Variants in CEP170 observed in about 807,000 individuals in gnomAD.
CEP170 encodes centrosomal protein of 170 kDa.
Under a neutral mutation model 151.9 loss-of-function variants are expected in CEP170, and 21 were observed. The ratio of observed to expected loss-of-function variants is 0.14; its 90% confidence interval spans 0.10 to 0.20. The LOEUF is 0.20. Ranked by LOEUF, CEP170 falls within the 10% of genes least tolerant of loss-of-function variation. The pLI, the probability that CEP170 is intolerant of heterozygous loss-of-function variation, is 1.00. For synonymous variants in CEP170, 356 were observed against 648.8 expected (o/e 0.55, Z 6.86); for missense variants, 964 against 1,892.9 (o/e 0.51, Z 9.11).
intron 16 of CEP170, among the ~76,000 whole-genome samples, chr1:243,137,966 G>A (rs2055331839): frequency 1.3e-5 from 2 of 151,872 alleles, no homozygotes; most frequent in African/African-American, 4.8e-5. Flanking sequence ...AAGCAAAATG[G>A]TTTTTGTGGG....
chr1:243,146,034 A>G (rs1377516051), intron 14 of CEP170, among the ~76,000 whole-genome samples: 1 of 152,238 alleles, frequency 6.6e-6, no homozygotes, highest in African/African-American at 2.4e-5. Context: ...TAAGGAAAAA[A>G]AAGTCTAACG....
intron 14 of CEP170, among the ~76,000 whole-genome samples, chr1:243,150,173 C>T (rs994927481): frequency 9.9e-5 from 15 of 152,142 alleles, no homozygotes; most frequent in African/African-American, 3.1e-4. Context: ...ATTTTTTAGA[C>T]AGAATCTCGC....
At chr1:243,176,429 C>T (rs1490561695) in intron 10 of CEP170, among the ~76,000 whole-genome samples, 2 of 150,694 alleles carry the variant, frequency 1.3e-5, no homozygotes, top group South Asian at 2.1e-4. Context: ...TCGTACTGGG[C>T]GTAGGAAGTG....
chr1:243,206,736 T>C (rs2061445956), intron 4 of CEP170, among the ~76,000 whole-genome samples: 1 of 152,340 alleles, frequency 6.6e-6, no homozygotes, highest in East Asian at 1.9e-4. Context: ...CTAATAACAA[T>C]GTAGTATGGG....
In CEP170 at chr1:243,159,758, C is replaced by T. The variant is rs192184598; in HGVS notation, c.3677-3303G>A. Reference sequence around the variant, plus strand: ...TGTATACATTCTACATTTTTGTTTCCGGTTTTGTGTGTGTGTGTGTGTGTG... The same window carrying T: ...TGTATACATTCTACATTTTTGTTTCTGGTTTTGTGTGTGTGTGTGTGTGTG... On this transcript the variant is annotated intron_variant, in intron 13 of 19. Transcript: ENST00000366542. Among the ~76,000 whole-genome samples, 10 of 59,790 alleles carry T rather than the reference C, an allele frequency of 1.7e-4. No individual in the cohort carries two copies. The East Asian group carries it at 2.5e-3, about 15-fold the overall frequency. The allele number at this position is 59,790 out of a possible 152,430, so 39.2% of individuals were successfully genotyped here.
chr1:243,251,705 T>C (rs780241017), intron 1 of CEP170, among the ~76,000 whole-genome samples: 1 of 152,198 alleles, frequency 6.6e-6, no homozygotes, highest in Non-Finnish European at 1.5e-5. Context: ...CTATGTGTCA[T>C]TTGTTTTTCA....
At chr1:243,152,764 C>G (rs1446708037) in intron 14 of CEP170, among the ~76,000 whole-genome samples, 3 of 151,904 alleles carry the variant, frequency 2.0e-5, no homozygotes, top group Non-Finnish European at 4.4e-5. Flanking sequence ...ATCTCCTGAC[C>G]TCGTGATCTG....
chr1:243,225,916 A>G (rs1351367067), intron 1 of CEP170, among the ~76,000 whole-genome samples: 1 of 151,070 alleles, frequency 6.6e-6, no homozygotes, highest in African/African-American at 2.4e-5. Flanking sequence ...GGACCCTTTT[A>G]TACTCTTTAA....
chr1:243,220,849 G>GA (rs2062737405), intron 3 of CEP170, among the ~76,000 whole-genome samples: 1 of 152,086 alleles, frequency 6.6e-6, no homozygotes, highest in Admixed American at 6.5e-5. Flanking sequence ...GAAGAAATAA[G>GA]AAAAAATTCA....
intron 4 of CEP170, among the ~76,000 whole-genome samples, chr1:243,204,059 T>C (rs1210478355): frequency 6.6e-6 from 1 of 152,162 alleles, no homozygotes; most frequent in Non-Finnish European, 1.5e-5. Context: ...ATCACTTCAT[T>C]TTTTCATCCA....
chr1:243,253,900 T>TA (rs2066204772), intron 1 of CEP170, among the ~76,000 whole-genome samples: 1 of 152,222 alleles, frequency 6.6e-6, no homozygotes, highest in South Asian at 2.1e-4. Flanking sequence ...ATTAAGAGAA[T>TA]AAAAATGAGT....
chr1:243,222,482 A>G (rs1214756391), intron 2 of CEP170, among the ~76,000 whole-genome samples: 1 of 152,200 alleles, frequency 6.6e-6, no homozygotes, highest in African/African-American at 2.4e-5. Flanking sequence ...AGATGGAAGC[A>G]CCCAAAAGCA....
intron 4 of CEP170, among the ~76,000 whole-genome samples, chr1:243,208,287 C>T (rs1309576315): frequency 6.6e-6 from 1 of 152,104 alleles, no homozygotes; most frequent in Non-Finnish European, 1.5e-5. Context: ...CATACCCCTG[C>T]CCACTCCACC....
At chr1:243,153,397 T>C (rs979902637) in intron 14 of CEP170, among the ~76,000 whole-genome samples, 2 of 152,174 alleles carry the variant, frequency 1.3e-5, no homozygotes, top group African/African-American at 4.8e-5. Flanking sequence ...CTGGGTAAAA[T>C]GCTATCAAAC....
chr1:243,139,659 G>A (rs1483161366), intron 16 of CEP170, among the ~76,000 whole-genome samples: 1 of 152,078 alleles, frequency 6.6e-6, no homozygotes, highest in Non-Finnish European at 1.5e-5. Context: ...AAGTTTTACA[G>A]TTTTTCATGC....
At chr1:243,162,991 A>C (rs1325756328) in intron 13 of CEP170, among the ~76,000 whole-genome samples, 4 of 152,140 alleles carry the variant, frequency 2.6e-5, no homozygotes, top group Non-Finnish European at 5.9e-5. Flanking sequence ...TTTTTTTTGG[A>C]ATCATGATTA....
chr1:243,191,010 C>T lies in CEP170; in HGVS notation c.1108+8G>A. 1 of 1,521,542 alleles carries T rather than the reference C, an allele frequency of 6.6e-7. No individual in the cohort carries two copies. The highest frequency in any genetic ancestry group is 8.8e-7 in the Non-Finnish European group (1 of 1,135,836). The allele number at this position is 1,521,542 out of a possible 1,614,324, so 94.3% of individuals were successfully genotyped here. On this transcript the variant is annotated splice_region_variant and intron_variant, in intron 8 of 19. Coordinates refer to ENST00000366542, the MANE Select transcript of CEP170 (RefSeq NM_014812.3). ...AGTAGGAAGTTCTGAATGATCAAAT[C>T]ACTTTACCTTTCAACCTTTTCAAGT...
intron 13 of CEP170, among the ~76,000 whole-genome samples, chr1:243,159,716 T>C (rs2057882627): frequency 6.6e-6 from 1 of 151,318 alleles, no homozygotes; most frequent in Non-Finnish European, 1.5e-5. Flanking sequence ...AAACGAATTC[T>C]CTGTTATTCC....
chr1:243,171,823 G>A (rs1326952710), intron 11 of CEP170, among the ~76,000 whole-genome samples: 1 of 152,118 alleles, frequency 6.6e-6, no homozygotes, highest in Non-Finnish European at 1.5e-5. Flanking sequence ...TGAGAAAACA[G>A]AAGATAAGGG....
Sources: gnomAD v4.1 joint callset for allele counts (sites outside exome capture counted in the v4.1 genomes callset) on GRCh38, gnomAD v4.1.1 for gene constraint, MANE v1.5 for transcripts, NCBI Gene and HGNC (gene_info 2026-07-23, HGNC 2026-07-21) for gene names.